Variants in GAB2 observed in about 807,000 individuals in gnomAD.
GAB2 encodes the protein GRB2 associated binding protein 2, also known as GRB2-associated-binding protein 2.
A neutral mutation model predicts 65.5 loss-of-function variants in GAB2; 26 were observed. That is an observed-to-expected ratio of 0.40 (90% CI 0.29 to 0.55). The LOEUF is 0.55. GAB2 is among the 20% of genes least tolerant of loss of function. The probability of loss-of-function intolerance (pLI) is 0.53; values close to 1 mark genes in which losing one functional copy is unlikely to be tolerated. For missense variants in GAB2, 884 were observed against 875.8 expected (o/e 1.01, Z -0.12); for synonymous variants, 321 against 329.6 (o/e 0.97, Z 0.28).
intron 6 of GAB2, 149 bp downstream of exon 6, chr11:78,223,263 A>T (rs928899720): frequency 5.1e-6 from 3 of 590,162 alleles, no homozygotes; most frequent in Non-Finnish European, 5.6e-6. Context: ...TACCATCTGC[A>T]TTTCACAGAT....
chr11:78,278,753 T>A, intron 2 of GAB2, among the ~76,000 whole-genome samples: 1 of 145,886 alleles, frequency 6.9e-6, no homozygotes, highest in Admixed American at 6.8e-5. Context: ...CAGGGTCTCG[T>A]TCTGTCATCC....
At chr11:78,362,550 A>G (rs1426339961) in intron 1 of GAB2, among the ~76,000 whole-genome samples, 1 of 152,176 alleles carries the variant, frequency 6.6e-6, no homozygotes, top group Non-Finnish European at 1.5e-5. Flanking sequence ...GGTTGCAACA[A>G]ATCAAAACAT....
intron 1 of GAB2, among the ~76,000 whole-genome samples, chr11:78,416,812 G>T (rs938476516): frequency 8.1e-5 from 12 of 148,610 alleles, no homozygotes; most frequent in African/African-American, 2.5e-4. Context: ...AGAACTCCAC[G>T]GCTCAGCGCC....
At chr11:78,250,707 G>A (rs1038982981) in intron 2 of GAB2, among the ~76,000 whole-genome samples, 1 of 152,134 alleles carries the variant, frequency 6.6e-6, no homozygotes, top group Non-Finnish European at 1.5e-5. Flanking sequence ...CTGACCCTCA[G>A]GCAAGGTCTG....
At chr11:78,266,393 C>G (rs1028025124) in intron 2 of GAB2, among the ~76,000 whole-genome samples, 6 of 151,996 alleles carry the variant, frequency 3.9e-5, no homozygotes, top group African/African-American at 1.5e-4. Flanking sequence ...TAAACTGTCT[C>G]CAGCTCTCTA....
In GAB2 at chr11:78,308,322, G is replaced by C. The variant is rs116174980; in HGVS notation, c.76-27421C>G. ...GCTGAGGGTGCAGTAAGCCGTGACT[G>C]CAACACTGCACTCCAGGCTGGGTGA... On this transcript the variant is annotated intron_variant, in intron 1 of 9. Transcript: ENST00000361507. 4.4e-3 allele frequency among the ~76,000 whole-genome samples: 671 copies of C among 152,230 alleles called. 5 individuals carry two copies. Among genetic ancestry groups the C allele is most frequent in the African/African-American group, 0.015 (642 of 41,538 alleles).
At chr11:78,282,854 T>C (rs1866371362) in intron 1 of GAB2, among the ~76,000 whole-genome samples, 1 of 152,194 alleles carries the variant, frequency 6.6e-6, no homozygotes, top group Non-Finnish European at 1.5e-5. Flanking sequence ...TTCATCCCTG[T>C]CCTCTTTTCT....
intron 1 of GAB2, among the ~76,000 whole-genome samples, chr11:78,338,090 C>T (rs903910731): frequency 6.7e-6 from 1 of 149,090 alleles, no homozygotes; most frequent in Non-Finnish European, 1.5e-5. Flanking sequence ...TGTTACCTGA[C>T]TCTTCAGGAG....
chr11:78,406,874 C>G (rs1857052297), intron 1 of GAB2, among the ~76,000 whole-genome samples: 1 of 149,840 alleles, frequency 6.7e-6, no homozygotes, highest in African/African-American at 2.5e-5. Context: ...CAAAAAGAAA[C>G]AAAGTCTCAG....
intron 1 of GAB2, among the ~76,000 whole-genome samples, chr11:78,354,861 A>AAGC (rs1253185582): frequency 1.5e-4 from 23 of 152,278 alleles, no homozygotes; most frequent in African/African-American, 5.5e-4. Context: ...ACCACTACTC[A>AAGC]AGCAGCAGCA....
chr11:78,365,985 G>C (rs1856492281), intron 1 of GAB2, among the ~76,000 whole-genome samples: 1 of 152,144 alleles, frequency 6.6e-6, no homozygotes, highest in Non-Finnish European at 1.5e-5. Flanking sequence ...ACCAGTTACA[G>C]TTTTCTCTGG....
At chr11:78,416,510 G>A (rs894397569) in intron 1 of GAB2, among the ~76,000 whole-genome samples, 5 of 152,192 alleles carry the variant, frequency 3.3e-5, no homozygotes, top group African/African-American at 1.2e-4. Flanking sequence ...GGTCTATTCC[G>A]AGCTCCCTTG....
chr11:78,228,776 G>A (rs952464428), intron 3 of GAB2, among the ~76,000 whole-genome samples: 7 of 151,006 alleles, frequency 4.6e-5, no homozygotes, highest in Admixed American at 4.0e-4. Context: ...ACAGCCATGG[G>A]CTTGGATGAT....
At chr11:78,357,418 T>C (rs1856374083) in intron 1 of GAB2, among the ~76,000 whole-genome samples, 1 of 152,038 alleles carries the variant, frequency 6.6e-6, no homozygotes, top group Admixed American at 6.5e-5. Flanking sequence ...ACAAATGGGA[T>C]CTAACTAAAC....
At chr11:78,276,111 C>CA (rs539148797) in intron 2 of GAB2, among the ~76,000 whole-genome samples, 9,226 of 97,192 alleles carry the variant, frequency 0.095, 595 homozygotes, top group African/African-American at 0.23. Context: ...AAGACTGTCT[C>CA]AAAAAAAAAA....
rs769036585 is a variant in GAB2 at position 78,222,092 on chromosome 11, C to T, written c.1658+13G>A. Reference sequence around the variant, plus strand: ...CCGACTCCAAGCTCCCACCCCCACACATACGCACTTACTTGGCCCTAGACC... The same window carrying T: ...CCGACTCCAAGCTCCCACCCCCACATATACGCACTTACTTGGCCCTAGACC... On this transcript the variant is annotated intron_variant, in intron 7 of 9. Transcript: ENST00000361507. 2 of 1,564,846 alleles carry T rather than the reference C, an allele frequency of 1.3e-6. No homozygotes were observed. Among genetic ancestry groups the T allele is most frequent in the East Asian group, 2.2e-5 (1 of 44,652 alleles).
intron 1 of GAB2, among the ~76,000 whole-genome samples, chr11:78,391,793 G>A (rs1050556243): frequency 6.6e-6 from 1 of 152,206 alleles, no homozygotes; most frequent in Admixed American, 6.5e-5. Context: ...TGCCCTCTCT[G>A]AATTCCTGAC....
intron 1 of GAB2, among the ~76,000 whole-genome samples, chr11:78,400,277 C>T (rs1445901344): frequency 6.6e-6 from 1 of 152,182 alleles, no homozygotes; most frequent in African/African-American, 2.4e-5. Flanking sequence ...ACCTCCTATT[C>T]CAGGAAGCCC....
chr11:78,333,089 G>T (rs1855942608), intron 1 of GAB2, among the ~76,000 whole-genome samples: 1 of 152,126 alleles, frequency 6.6e-6, no homozygotes, highest in Non-Finnish European at 1.5e-5. Context: ...CCTGGGACAT[G>T]TGGTACCATC....
Sources: gnomAD v4.1 joint callset for allele counts (sites outside exome capture counted in the v4.1 genomes callset) on GRCh38, gnomAD v4.1.1 for gene constraint, MANE v1.5 for transcripts, NCBI Gene and HGNC (gene_info 2026-07-23, HGNC 2026-07-21) for gene names.